TTYH2: variants seen among roughly 807,000 people sequenced by gnomAD.
The protein encoded by TTYH2 is protein tweety homolog 2.
In TTYH2, 49 loss-of-function variants were observed where a neutral mutation model predicts 68.3. That is an observed-to-expected ratio of 0.72 (90% confidence interval 0.57 to 0.91). The LOEUF is 0.91. Ranked by LOEUF, TTYH2 falls within the 40% of genes least tolerant of loss-of-function variation. The pLI is 0.00. For synonymous variants in TTYH2, 272 were observed against 300.8 expected, an observed-to-expected ratio of 0.90 and a Z score of 0.99; for missense variants, 631 against 700.4, an observed-to-expected ratio of 0.90 and a Z score of 1.12.
In TTYH2 at chr17:74,222,994, G is replaced by A. The variant is rs751567220; in HGVS notation, c.302+337G>A. 1.3e-5 allele frequency among the ~76,000 whole-genome samples: 2 copies of A among 152,188 alleles called. No homozygotes were observed. Among genetic ancestry groups the A allele is most frequent in the Non-Finnish European group, 2.9e-5 (2 of 68,038 alleles). On this transcript the variant is annotated intron_variant, in intron 2 of 13. Transcript: ENST00000269346. The surrounding 1 kb of genome is among the most constrained non-coding windows in gnomAD (Gnocchi z 5.2). The stretch of plus-strand genomic sequence containing the variant: ...CCCTGCCAGCTGCTGCCCTGGGTCT[G>A]TGAGGTCAGAAGAAAGTTTGACTCC...
At chr17:74,248,394 G>C in intron 6 of TTYH2, 7 of 987,052 alleles carry the variant, frequency 7.1e-6, no homozygotes, top group Non-Finnish European at 8.4e-6. Flanking sequence ...TGTGGGGCCA[G>C]GTCCTCCAGC....
chr17:74,256,819 T>G (rs2050697759), intron 13 of TTYH2: 1 of 152,194 alleles, frequency 6.6e-6, no homozygotes, highest in Non-Finnish European at 1.5e-5. Context: ...CAGCTAATCT[T>G]TGCATTTTCA....
At chr17:74,229,692 A>G (rs1339476527) in intron 2 of TTYH2, among the ~76,000 whole-genome samples, 1 of 152,266 alleles carries the variant, frequency 6.6e-6, no homozygotes, top group Admixed American at 6.5e-5. Flanking sequence ...ACTGAAAAAA[A>G]TGAGTTTTCA....
At position 74,217,921 on chromosome 17, in the gene TTYH2, C is replaced by T. The variant is rs887739442; in HGVS notation, c.129+4205C>T. On this transcript the variant is annotated intron_variant, in intron 1 of 13. Coordinates refer to ENST00000269346, the MANE Select transcript of TTYH2 (RefSeq NM_032646.6). The surrounding 1 kb of genome is among the most constrained non-coding windows in gnomAD (Gnocchi z 4.0). ...TGAGCACCAGTGTGGGAGCTGGGGGCCTGGTGTTGCTGTGGGACAAGGAGG... is the reference window on the plus strand; with the variant it reads ...TGAGCACCAGTGTGGGAGCTGGGGGTCTGGTGTTGCTGTGGGACAAGGAGG... 6.6e-6 allele frequency among the ~76,000 whole-genome samples: 1 copy of T among 151,664 alleles called. No individual in the cohort carries two copies. The highest frequency in any genetic ancestry group is 1.5e-5 in the Non-Finnish European group (1 of 67,992).
chr17:74,244,901 T>A (rs1232808102), intron 6 of TTYH2, among the ~76,000 whole-genome samples: 1 of 152,052 alleles, frequency 6.6e-6, no homozygotes, highest in East Asian at 1.9e-4. Flanking sequence ...TGTGTGTTCA[T>A]GCACATGCAC....
Position 74,225,687 on chromosome 17 carries a change from G to A in TTYH2, c.302+3030G>A, listed in dbSNP as rs954467283. Among the ~76,000 whole-genome samples the A allele has an allele frequency of 2.0e-5, 3 of 152,192 alleles. No homozygotes were observed. The South Asian group carries it at 6.2e-4, about 32-fold the overall frequency. On this transcript the variant is annotated intron_variant, in intron 2 of 13. Transcript: ENST00000269346. ...CAGGGAAGCTGGAGCCACACAGCCT[G>A]CCTATCAGCGGCTGCAGAACGAGGG...
At chr17:74,252,027 C>A in intron 10 of TTYH2, 1 of 615,108 alleles carries the variant, frequency 1.6e-6, no homozygotes, top group Non-Finnish European at 2.8e-6. Context: ...AAGTGCTCAG[C>A]AAATGTTTCC....
At position 74,232,261 on chromosome 17, in the gene TTYH2, G is replaced by A. The variant is rs1452834525; in HGVS notation, c.414+1262G>A. On this transcript the variant is annotated intron_variant, in intron 3 of 13. Coordinates refer to ENST00000269346, the MANE Select transcript of TTYH2 (RefSeq NM_032646.6). The surrounding 1 kb of genome is among the most constrained non-coding windows in gnomAD (Gnocchi z 5.1). ...AATCCCTCAGTCAACAAGGGGGGTC[G>A]GGGGTGTCACCTTAAAGAGACAGCT... 1.7e-4 allele frequency among the ~76,000 whole-genome samples: 26 copies of A among 152,162 alleles called. No individual in the cohort carries two copies. The highest frequency in any genetic ancestry group is 1.4e-3 in the Admixed American group (22 of 15,272).
chr17:74,242,640 G>A (rs1291871486), intron 4 of TTYH2, among the ~76,000 whole-genome samples: 12 of 152,300 alleles, frequency 7.9e-5, no homozygotes, highest in African/African-American at 2.4e-4. Flanking sequence ...TGATCTGCCC[G>A]TCTTGGCCTC....
intron 4 of TTYH2, chr17:74,240,707 C>T (rs2050491203): frequency 6.6e-6 from 1 of 152,204 alleles, no homozygotes; most frequent in Non-Finnish European, 1.5e-5. Context: ...AGCCAAGGGG[C>T]TCCTCTCTTT....
chr17:74,251,308 T>C (rs140316707), intron 10 of TTYH2, among the ~76,000 whole-genome samples: 5 of 149,196 alleles, frequency 3.4e-5, no homozygotes, highest in Non-Finnish European at 7.4e-5. Flanking sequence ...TGTGCATGTG[T>C]GTTGTGTGCA....
chr17:74,213,855 C>T lies in TTYH2; in HGVS notation c.129+139C>T. ...CGCGCAGCCCTTTCCCGTCTCCCCT[C>T]TCCCCTTTTCCCCCACCCTCCCAGG... On this transcript the variant is annotated intron_variant, in intron 1 of 13. Coordinates refer to ENST00000269346, the MANE Select transcript of TTYH2 (RefSeq NM_032646.6). The surrounding 1 kb of genome is among the most constrained non-coding windows in gnomAD (Gnocchi z 6.1). The T allele has an allele frequency of 8.7e-7, 1 of 1,154,444 alleles. No individual in the cohort carries two copies. Among genetic ancestry groups the T allele is most frequent in the Non-Finnish European group, 1.2e-6 (1 of 829,242 alleles). 71.5% of individuals were successfully genotyped at this position (1,154,444 alleles called of 1,614,324 possible).
intron 3 of TTYH2, among the ~76,000 whole-genome samples, chr17:74,234,293 G>A (rs533400273): frequency 6.6e-6 from 1 of 152,292 alleles, no homozygotes; most frequent in East Asian, 1.9e-4. Context: ...GCCACCTGTA[G>A]CTCGTCCCTA....
At chr17:74,248,749 A>ACTTG in intron 6 of TTYH2, 3 of 1,378,982 alleles carry the variant, frequency 2.2e-6, no homozygotes, top group Non-Finnish European at 2.8e-6. Context: ...TGAGCACTTT[A>ACTTG]CTTGCATTGG....
rs557254729 is a variant in TTYH2 at position 74,249,029 on chromosome 17, G to A, written c.823G>A (p.Val275Met). Reference protein sequence around the residue: ...SAAVATSDFCVAPDTFILNVT... With the variant: ...SAAVATSDFCMAPDTFILNVT... Reference sequence around the variant, plus strand: ...CACTCAGGCCACCAGTGACTTCTGTGTGGCTCCTGACACCTTCATCCTGAA... The same window carrying A: ...CACTCAGGCCACCAGTGACTTCTGTATGGCTCCTGACACCTTCATCCTGAA... The change falls in exon 7 of 14, where the codon GTG becomes ATG. Residue 275 changes from valine to methionine, a missense_variant. Transcript: ENST00000269346. The A allele has an allele frequency of 6.2e-7, 1 of 1,614,148 alleles. No homozygotes were observed. The highest frequency in any genetic ancestry group is 1.1e-5 in the South Asian group (1 of 91,074).
intron 13 of TTYH2, among the ~76,000 whole-genome samples, chr17:74,256,198 TTTAA>T (rs1284482017): frequency 6.6e-6 from 1 of 152,176 alleles, no homozygotes; most frequent in African/African-American, 2.4e-5. Flanking sequence ...GAAGGTTCTA[TTTAA>T]TAGGTGGCGT....
intron 1 of TTYH2, among the ~76,000 whole-genome samples, chr17:74,220,240 A>G (rs891372028): frequency 6.6e-6 from 1 of 152,006 alleles, no homozygotes; most frequent in Non-Finnish European, 1.5e-5. Context: ...ATTTCTATCC[A>G]CTCCTCACTC....
chr17:74,236,891 C>G (rs1481662133), intron 3 of TTYH2, among the ~76,000 whole-genome samples: 1 of 144,542 alleles, frequency 6.9e-6, no homozygotes, highest in Non-Finnish European at 1.5e-5. Flanking sequence ...GCAGGCCAGG[C>G]CAGCTTTTTT....
At chr17:74,248,355 G>T in intron 6 of TTYH2, 1 of 986,326 alleles carries the variant, frequency 1.0e-6, no homozygotes, top group Non-Finnish European at 1.2e-6. Context: ...TGCCGCATGG[G>T]CCTTAGCAAT....
Sources: allele counts gnomAD v4.1 joint callset (sites outside exome capture counted in the v4.1 genomes callset), GRCh38; gene constraint gnomAD v4.1.1; non-coding constraint Gnocchi (gnomAD v3.1); transcripts MANE v1.5; gene names NCBI Gene and HGNC (gene_info 2026-07-23, HGNC 2026-07-21).